Variants in SMPD4 observed in about 807,000 individuals in gnomAD.
SMPD4 encodes neutral sphingomyelinase 3.
SMPD4 carries 58 observed loss-of-function variants against 97.8 expected under a neutral mutation model. The observed-to-expected ratio is 0.59, with a 90% CI of 0.48 to 0.74. SMPD4 has a LOEUF of 0.74. Ranked by LOEUF, SMPD4 falls within the 30% of genes least tolerant of loss-of-function variation. The probability of loss-of-function intolerance (pLI) is 0.00; values close to 1 mark genes in which losing one functional copy is unlikely to be tolerated. For missense variants in SMPD4, 853 were observed against 1,080.5 expected, an observed-to-expected ratio of 0.79 and a Z score of 2.95; for synonymous variants, 388 against 450.0, an observed-to-expected ratio of 0.86 and a Z score of 1.74.
At chr2:130,174,006 A>G (rs1475566324) in intron 3 of SMPD4, among the ~76,000 whole-genome samples, 1 of 152,104 alleles carries the variant, frequency 6.6e-6, no homozygotes, top group Non-Finnish European at 1.5e-5. Context: ...AAAAAAATAT[A>G]AAATAAAAAA....
Position 130,155,965 on chromosome 2 carries a change from C to T in SMPD4, c.1289+70G>A. On this transcript the variant is annotated intron_variant, in intron 14 of 19. Coordinates refer to ENST00000680298, the MANE Select transcript of SMPD4 (RefSeq NM_017951.5). ...ACCCCAGCACAGGCCGCTGGCTTGG[C>T]CTCCACCCACTGGAACAATATCCAC... 5 of 1,508,278 alleles carry T rather than the reference C, an allele frequency of 3.3e-6. No individual in the cohort carries two copies. The Admixed American group carries it at 5.1e-5, about 15-fold the overall frequency. 93.4% of individuals were successfully genotyped at this position (1,508,278 alleles called of 1,614,324 possible). A position where few individuals can be genotyped will look rare whatever the true frequency, so the allele number is the denominator to read the frequency against.
chr2:130,181,730 G>A, upstream of SMPD4: 2 of 1,548,830 alleles, frequency 1.3e-6, no homozygotes, highest in Admixed American at 2.0e-5. Context: ...TGGCGAGGCA[G>A]GAGTGCGGGG....
chr2:130,176,681 A>G (rs1252957024), intron 1 of SMPD4, 44 bp from the exon 2 acceptor site: 1 of 1,475,494 alleles, frequency 6.8e-7, no homozygotes, highest in East Asian at 2.3e-5. Context: ...GTAACACAGC[A>G]GAATCTTTTT....
At chr2:130,167,005 A>G (rs1438203361) in intron 9 of SMPD4, among the ~76,000 whole-genome samples, 2 of 152,266 alleles carry the variant, frequency 1.3e-5, no homozygotes, top group Non-Finnish European at 2.9e-5. Flanking sequence ...ATTTACTTTC[A>G]TGTTTTCTAA....
chr2:130,178,895 CCTAGACTTCACAGA>C (rs1266787603), intron 1 of SMPD4, among the ~76,000 whole-genome samples: 4 of 152,124 alleles, frequency 2.6e-5, no homozygotes, highest in Admixed American at 2.6e-4. Context: ...AATGCTCAGA[CCTAGACTTCACAGA>C]CAGGAAGTCT....
chr2:130,162,716 A>G (rs948817976), intron 10 of SMPD4, among the ~76,000 whole-genome samples: 1 of 152,228 alleles, frequency 6.6e-6, no homozygotes, highest in Non-Finnish European at 1.5e-5. Context: ...CAGTACGTGT[A>G]GCACAGGCCT....
In SMPD4 at chr2:130,174,988, C is replaced by G; in HGVS notation, c.52G>C (p.Ala18Pro). 1 of 1,607,008 alleles carries G rather than the reference C, an allele frequency of 6.2e-7. No individual in the cohort carries two copies. The highest frequency in any genetic ancestry group is 1.3e-5 in the African/African-American group (1 of 74,954). ...GCAAAGGGCTTATTTATAGAGTCAG[C>G]TTTCAGGCTAGCCTAGAAGACAGAA... ...QPSFLLASLK[A>P]DSINKPFAQQ... The change falls in exon 3 of 20, where the codon GCT becomes CCT. Residue 18 changes from alanine to proline, a missense_variant. By Grantham distance (27) the Ala-to-Pro change is conservative (BLOSUM62 -1). Transcript: ENST00000680298.
At chr2:130,167,672 C>G in intron 8 of SMPD4, 82 bp from the exon 9 acceptor site, 3 of 1,466,362 alleles carry the variant, frequency 2.0e-6, no homozygotes, top group Non-Finnish European at 2.8e-6. Flanking sequence ...ATCTGGATAT[C>G]AAAATCAACG....
At chr2:130,157,502 C>T (rs1347694084) in intron 11 of SMPD4, 106 bp from the exon 12 acceptor site, 2 of 1,538,784 alleles carry the variant, frequency 1.3e-6, no homozygotes, top group Non-Finnish European at 1.8e-6. Context: ...CTCTGCTGCC[C>T]CCACGGGAGG....
chr2:130,162,153 C>T (rs1687488453), intron 10 of SMPD4, among the ~76,000 whole-genome samples: 2 of 152,256 alleles, frequency 1.3e-5, no homozygotes, highest in Non-Finnish European at 1.5e-5. Context: ...TTCCCAAGGG[C>T]GGGAGCCCCT....
intron 11 of SMPD4, among the ~76,000 whole-genome samples, chr2:130,158,526 A>C (rs1259652510): frequency 1.3e-5 from 2 of 152,048 alleles, no homozygotes; most frequent in African/African-American, 4.8e-5. Flanking sequence ...TGTTGGCCTG[A>C]CCTCAGGTCT....
chr2:130,153,366 T>C lies in SMPD4; in HGVS notation c.1978A>G (p.Ile660Val), dbSNP rs768384225. The stretch of plus-strand genomic sequence containing the variant: ...AGGATGAGTCCGTCCTCACCCACGA[T>C]GCAGTCGGGGAGTTGCTTTTTTCCA... The part of the protein sequence containing the change: ...ENGKKQLPDC[I>V]VGEDGLILTP... Residue 660 changes from isoleucine to valine, a missense_variant, in exon 18 of 20, where the codon ATC (isoleucine) becomes GTC (valine). Ile to Val is a conservative substitution (Grantham distance 29). Around this residue, in one of 3 missense-constraint regions of SMPD4, gnomAD observed 511 missense variants for 608.1 expected, o/e 0.84. Transcript: ENST00000680298. 5 of 1,613,756 alleles carry C rather than the reference T, an allele frequency of 3.1e-6. No homozygotes were observed. The highest frequency in any genetic ancestry group is 2.7e-5 in the African/African-American group (2 of 74,944).
intron 17 of SMPD4, 46 bp from the exon 18 acceptor site, chr2:130,153,496 G>C: frequency 6.2e-7 from 1 of 1,609,046 alleles, no homozygotes. Flanking sequence ...GATGAAGAGA[G>C]GGGACCAGTC....
At chr2:130,172,280 C>T (rs990769407) in intron 8 of SMPD4, 69 bp downstream of exon 8, 5 of 1,452,330 alleles carry the variant, frequency 3.4e-6, no homozygotes, top group Admixed American at 5.4e-5. Flanking sequence ...ACATTGTCCC[C>T]GTGGGCGATG....
chr2:130,171,720 G>C (rs989566766), intron 8 of SMPD4, among the ~76,000 whole-genome samples: 1 of 152,232 alleles, frequency 6.6e-6, no homozygotes. Flanking sequence ...GCATCTGCAG[G>C]AAGGGGCCTG....
Position 130,161,200 on chromosome 2 carries a change from G to A in SMPD4, c.937C>T (p.Leu313Phe), listed in dbSNP as rs778036653. The A allele has an allele frequency of 1.2e-6, 2 of 1,613,380 alleles. No homozygotes were observed. The highest frequency in any genetic ancestry group is 2.2e-5 in the East Asian group (1 of 44,870). Residue 313 changes from leucine (L) to phenylalanine (F), a missense_variant, in exon 11 of 20, where the codon CTC becomes TTC. By Grantham distance (22) the Leu-to-Phe change is conservative (BLOSUM62 0). Transcript: ENST00000680298. ...TGAGCCAGTACTTGGTAGGCGTGGA[G>A]GGCCTGGAGGCTGGGTTGGGCGGGG... The part of the protein sequence containing the change: ...YSPAQPSLQA[L>F]HAYQESFTPT...
chr2:130,176,827 G>A (rs780291751), intron 1 of SMPD4, among the ~76,000 whole-genome samples, 190 bp from the exon 2 acceptor site: 1 of 151,958 alleles, frequency 6.6e-6, no homozygotes, highest in Non-Finnish European at 1.5e-5. Flanking sequence ...ACAGGCACGT[G>A]CCACTATGCC....
intron 11 of SMPD4, chr2:130,159,637 CAAAA>C (rs543921050): frequency 1.4e-4 from 10 of 72,876 alleles, no homozygotes; most frequent in Non-Finnish European, 2.3e-4. Context: ...GACTCCATCT[CAAAA>C]AAAAAAAAAA....
At chr2:130,168,369 A>C (rs1290335334) in intron 8 of SMPD4, among the ~76,000 whole-genome samples, 1 of 151,384 alleles carries the variant, frequency 6.6e-6, no homozygotes, top group Admixed American at 6.6e-5. Flanking sequence ...GGTTGCTGTG[A>C]GCAGAGATCG....
Sources: allele counts gnomAD v4.1 joint callset (sites outside exome capture counted in the v4.1 genomes callset), GRCh38; gene constraint gnomAD v4.1.1; regional missense constraint gnomAD v4.1.1; transcripts MANE v1.5; gene names NCBI Gene and HGNC (gene_info 2026-07-23, HGNC 2026-07-21).